The following MSRB3 variants were observed in gnomAD, a reference collection of about 807,000 sequenced individuals.
MSRB3 encodes the protein methionine sulfoxide reductase B3.
In MSRB3, 13 loss-of-function variants were observed where a neutral mutation model predicts 21.0. The observed-to-expected ratio is 0.62, with a 90% confidence interval of 0.40 to 0.98. The LOEUF is 0.98. MSRB3 is among the 50% of genes least tolerant of loss of function. The pLI is 0.00. For synonymous variants in MSRB3, 87 were observed against 88.6 expected (o/e 0.98, Z 0.10); for missense variants, 199 against 230.3 (o/e 0.86, Z 0.88).
intron 4 of MSRB3, among the ~76,000 whole-genome samples, chr12:65,351,472 C>T (rs1461168855): frequency 6.8e-6 from 1 of 146,552 alleles, no homozygotes; most frequent in African/African-American, 2.6e-5. Context: ...CAGAGCAGAA[C>T]TGAAGGAAAT....
rs1020329686 is a variant in MSRB3, at chr12:65,465,774, C to G, written c.*2452C>G. 1 of 152,152 alleles carries G rather than the reference C, an allele frequency of 6.6e-6. No homozygotes were observed. Among genetic ancestry groups the G allele is most frequent in the Admixed American group, 6.5e-5 (1 of 15,272 alleles). The allele number at this position is 152,152 out of a possible 1,614,324, so 9.4% of individuals were successfully genotyped here. On this transcript the variant is annotated 3_prime_UTR_variant, in exon 7 of 7. Transcript: ENST00000308259. ...AGAAATGACGTGTAAAATTTAAGACCAGACCTCAGCCATCAGCGTCCAGAC... is the reference window on the plus strand; with the variant it reads ...AGAAATGACGTGTAAAATTTAAGACGAGACCTCAGCCATCAGCGTCCAGAC...
At chr12:65,279,152 C>A in intron 1 of MSRB3, 1 of 1,144,944 alleles carries the variant, frequency 8.7e-7, no homozygotes, top group Admixed American at 3.9e-5. Context: ...CGGGAGCGAA[C>A]CTGAACCCGC....
intron 5 of MSRB3, among the ~76,000 whole-genome samples, chr12:65,396,569 T>A (rs1879791031): frequency 6.6e-6 from 1 of 151,816 alleles, no homozygotes; most frequent in Non-Finnish European, 1.5e-5. Flanking sequence ...TGCATGCCTG[T>A]AATCCCAGCT....
At chr12:65,343,363 C>G (rs764518948) in intron 4 of MSRB3, among the ~76,000 whole-genome samples, 5 of 151,972 alleles carry the variant, frequency 3.3e-5, no homozygotes, top group African/African-American at 1.2e-4. Context: ...ACTGCTTAAA[C>G]CTTCTGGTTT....
At chr12:65,388,302 C>T (rs1306896398) in intron 5 of MSRB3, among the ~76,000 whole-genome samples, 1 of 151,960 alleles carries the variant, frequency 6.6e-6, no homozygotes. Flanking sequence ...ACCCCCACAC[C>T]CCTGCCCACA....
chr12:65,347,867 G>T (rs1242564751), intron 4 of MSRB3, among the ~76,000 whole-genome samples: 5 of 152,142 alleles, frequency 3.3e-5, no homozygotes, highest in Non-Finnish European at 5.9e-5. Context: ...CGTTGGTTCT[G>T]TTTATATGCT....
intron 5 of MSRB3, among the ~76,000 whole-genome samples, chr12:65,406,224 A>G (rs898029206): frequency 6.6e-6 from 1 of 152,196 alleles, no homozygotes; most frequent in African/African-American, 2.4e-5. Flanking sequence ...TAAGTCTTTA[A>G]TCCAGTCTGA....
chr12:65,345,879 A>G (rs1876466543), intron 4 of MSRB3, among the ~76,000 whole-genome samples: 1 of 152,122 alleles, frequency 6.6e-6, no homozygotes, highest in Non-Finnish European at 1.5e-5. Flanking sequence ...GATGGTTTCC[A>G]GCTTCATCCA....
intron 6 of MSRB3, among the ~76,000 whole-genome samples, chr12:65,456,722 G>A (rs1883103757): frequency 6.6e-6 from 1 of 152,222 alleles, no homozygotes; most frequent in African/African-American, 2.4e-5. Flanking sequence ...AAAGAAAAGA[G>A]GGAGAGGAAT....
At chr12:65,293,325 A>ATTTGATT (rs1872764484) in intron 1 of MSRB3, among the ~76,000 whole-genome samples, 1 of 152,036 alleles carries the variant, frequency 6.6e-6, no homozygotes, top group Admixed American at 6.6e-5. Context: ...TAGTTTGCAG[A>ATTTGATT]TTTGATTATG....
At chr12:65,429,747 A>G (rs190202367) in intron 5 of MSRB3, among the ~76,000 whole-genome samples, 205 of 152,322 alleles carry the variant, frequency 1.3e-3, no homozygotes, top group African/African-American at 4.7e-3. Context: ...TCTTATGAGT[A>G]GGCCTTTAAC....
intron 5 of MSRB3, among the ~76,000 whole-genome samples, chr12:65,451,366 T>G (rs911720969): frequency 6.6e-6 from 1 of 152,184 alleles, no homozygotes; most frequent in South Asian, 2.1e-4. Flanking sequence ...TGAAATCTTT[T>G]GAGACCTGCA....
chr12:65,375,102 C>G (rs992716695), intron 5 of MSRB3, among the ~76,000 whole-genome samples: 4 of 151,828 alleles, frequency 2.6e-5, no homozygotes, highest in African/African-American at 9.7e-5. Context: ...GCCTCGGCCT[C>G]CCGAAGTGCT....
intron 4 of MSRB3, among the ~76,000 whole-genome samples, chr12:65,354,675 T>C (rs923490524): frequency 1.2e-4 from 18 of 151,702 alleles, no homozygotes; most frequent in African/African-American, 4.4e-4. Flanking sequence ...AGGCCAAAGG[T>C]AGATGTATAG....
rs1039430954 is a variant in MSRB3, at chr12:65,363,514, C to T, written c.264-5484C>T. On this transcript the variant is annotated intron_variant, in intron 4 of 6. Transcript: ENST00000308259. ...TTATTTAAAAAGCATTCATGATACT[C>T]GAATTCTCCTAGTGTCTACCCTTTC... Among the ~76,000 whole-genome samples the T allele has an allele frequency of 4.6e-5, 7 of 152,196 alleles. No homozygotes were observed. In the South Asian group the frequency reaches 1.0e-3, roughly 23 times the overall value.
intron 5 of MSRB3, among the ~76,000 whole-genome samples, chr12:65,395,299 A>G (rs1249311723): frequency 6.6e-6 from 1 of 151,846 alleles, no homozygotes; most frequent in East Asian, 1.9e-4. Context: ...AAACCCTGTC[A>G]CTACTAAAAA....
At chr12:65,432,293 C>T (rs1881913451) in intron 5 of MSRB3, among the ~76,000 whole-genome samples, 1 of 151,922 alleles carries the variant, frequency 6.6e-6, no homozygotes, top group South Asian at 2.1e-4. Context: ...TAATCTATAT[C>T]CATATGCTGT....
intron 1 of MSRB3, among the ~76,000 whole-genome samples, chr12:65,305,528 T>C (rs1469726966): frequency 1.3e-5 from 2 of 152,188 alleles, no homozygotes; most frequent in South Asian, 2.1e-4. Context: ...TGAGTTCACA[T>C]GTATCAATCA....
intron 1 of MSRB3, chr12:65,284,384 C>T (rs758989731): frequency 2.0e-5 from 3 of 152,146 alleles, no homozygotes; most frequent in African/African-American, 4.8e-5. Flanking sequence ...TGCTAAAGTA[C>T]ATTGGACAGA....
Sources: allele counts gnomAD v4.1 joint callset (sites outside exome capture counted in the v4.1 genomes callset), GRCh38; gene constraint gnomAD v4.1.1; transcripts MANE v1.5; gene names NCBI Gene and HGNC (gene_info 2026-07-23, HGNC 2026-07-21).